Variants in RGP1 observed in about 807,000 individuals in gnomAD.
RGP1 encodes the protein RAB6A-GEF complex partner protein 2.
A neutral mutation model predicts 44.5 loss-of-function variants in RGP1; 28 were observed. The ratio of observed to expected loss-of-function variants is 0.63; its 90% CI spans 0.47 to 0.86. The LOEUF is 0.86. Ranked by LOEUF, RGP1 falls within the 40% of genes least tolerant of loss-of-function variation. The pLI, the probability that RGP1 is intolerant of heterozygous loss-of-function variation, is 0.00. For missense variants in RGP1, 417 were observed against 490.7 expected (o/e 0.85, Z 1.42); for synonymous variants, 212 against 196.7 (o/e 1.08, Z -0.65).
the RGP1 span, among the ~76,000 whole-genome samples, chr9:35,766,652 A>G: frequency 3.3e-5 from 5 of 152,232 alleles, no homozygotes; most frequent in Non-Finnish European, 5.9e-5. Flanking sequence ...TCTATGATCC[A>G]TTTTGATCGC....
chr9:35,776,199 G>C, the RGP1 span, among the ~76,000 whole-genome samples: 1 of 152,080 alleles, frequency 6.6e-6, no homozygotes, highest in Non-Finnish European at 1.5e-5. Flanking sequence ...GACCCAGCAG[G>C]TGTTTAGGAC....
chr9:35,751,955 GT>G lies in RGP1; in HGVS notation c.766del (p.Ser256GlnfsTer29). 6.4e-7 allele frequency: 1 copy of G among 1,566,930 alleles called. No individual in the cohort carries two copies. The highest frequency in any genetic ancestry group is 8.7e-7 in the Non-Finnish European group (1 of 1,155,406). ...LGEGTVACLQ[F>X]SVSLQTEERV... ...AGCACACACCTGTCTCTTGCTCCCA[GT>G]TTTCAGTCAGCTTACAGACCGAGGA... is the stretch of plus-strand genomic sequence containing the variant. On this transcript the variant is annotated frameshift_variant and splice_region_variant, in exon 8 of 9. Coordinates refer to ENST00000378078, the MANE Select transcript of RGP1 (RefSeq NM_001080496.3). LOFTEE classifies it high-confidence loss of function.
the RGP1 span, among the ~76,000 whole-genome samples, chr9:35,781,728 T>C: frequency 1.3e-5 from 2 of 151,988 alleles, no homozygotes; most frequent in Non-Finnish European, 2.9e-5. Context: ...GTGTAGGGTG[T>C]TATATATAAA....
chr9:35,777,149 A>ATTT, the RGP1 span, among the ~76,000 whole-genome samples: 1 of 37,822 alleles, frequency 2.6e-5, no homozygotes, highest in African/African-American at 1.2e-4. Context: ...TTTTTTTTTG[A>ATTT]GACAGAGTCT....
At chr9:35,750,525 G>A (rs948353535) in intron 3 of RGP1, 133 bp from the exon 4 acceptor site, 5 of 1,295,746 alleles carry the variant, frequency 3.9e-6, no homozygotes, top group Admixed American at 2.0e-5. Context: ...TATTGCTTTA[G>A]GGGTAGAAGA....
the RGP1 span, among the ~76,000 whole-genome samples, chr9:35,781,373 G>A: frequency 7.2e-6 from 1 of 138,282 alleles, no homozygotes; most frequent in African/African-American, 2.7e-5. Flanking sequence ...ATTTTGGTCC[G>A]TGGTGGGTGC....
the RGP1 span, among the ~76,000 whole-genome samples, chr9:35,779,722 A>C: frequency 1.3e-5 from 2 of 152,218 alleles, no homozygotes; most frequent in Non-Finnish European, 2.9e-5. Context: ...AAGAACTCAC[A>C]TAACTGTCTC....
intron 2 of RGP1, among the ~76,000 whole-genome samples, 182 bp from the exon 3 acceptor site, chr9:35,750,061 G>T (rs145559466): frequency 6.6e-6 from 1 of 152,142 alleles, no homozygotes; most frequent in South Asian, 2.1e-4. Flanking sequence ...CCCCTCCCCC[G>T]TTCCCCTTTT....
At chr9:35,761,273 A>T (rs1375731267), downstream of RGP1, among the ~76,000 whole-genome samples, 1 of 152,202 alleles carries the variant, frequency 6.6e-6, no homozygotes, top group Non-Finnish European at 1.5e-5. Flanking sequence ...TGAGTCTTAG[A>T]TGTTTTTGCA....
chr9:35,780,483 A>G, the RGP1 span: 3 of 152,246 alleles, frequency 2.0e-5, no homozygotes, highest in Non-Finnish European at 4.4e-5. Context: ...CTCAATGCTC[A>G]ACAGATAAGT....
At chr9:35,766,252 T>C in the RGP1 span, among the ~76,000 whole-genome samples, 828 of 152,284 alleles carry the variant, frequency 5.4e-3, 6 homozygotes, top group African/African-American at 0.018. Flanking sequence ...CATCTTTTTA[T>C]GTGCTTTCTT....
chr9:35,761,984 C>T (rs1827422089), downstream of RGP1, among the ~76,000 whole-genome samples: 1 of 152,074 alleles, frequency 6.6e-6, no homozygotes, highest in Non-Finnish European at 1.5e-5. Context: ...TAAAACCCCC[C>T]ATCTCTACCA....
At chr9:35,767,746 C>G in the RGP1 span, among the ~76,000 whole-genome samples, 1 of 152,046 alleles carries the variant, frequency 6.6e-6, no homozygotes, top group African/African-American at 2.4e-5. Flanking sequence ...TCTTGCTGAG[C>G]CTGGACATAG....
chr9:35,763,091 A>G (rs1252892266), downstream of RGP1, among the ~76,000 whole-genome samples: 1 of 152,246 alleles, frequency 6.6e-6, no homozygotes, highest in Non-Finnish European at 1.5e-5. Context: ...CCACCACTGT[A>G]ATCCAGAATC....
At chr9:35,750,597 T>G (rs1445778897) in intron 3 of RGP1, 61 bp from the exon 4 acceptor site, 5 of 1,555,244 alleles carry the variant, frequency 3.2e-6, no homozygotes, top group Non-Finnish European at 4.4e-6. Context: ...CCACTTGCCG[T>G]GCTAGTCTTG....
chr9:35,779,045 A>G, the RGP1 span, among the ~76,000 whole-genome samples: 1 of 152,128 alleles, frequency 6.6e-6, no homozygotes, highest in African/African-American at 2.4e-5. Flanking sequence ...ATTATAGAGG[A>G]TGTTGAGTAA....
downstream of RGP1, among the ~76,000 whole-genome samples, chr9:35,759,774 C>A (rs1026671043): frequency 2.0e-5 from 3 of 151,752 alleles, no homozygotes; most frequent in Non-Finnish European, 4.4e-5. Context: ...TATTGATCTC[C>A]TTCTAGAAGT....
intron 8 of RGP1, 125 bp downstream of exon 8, chr9:35,752,270 C>G (rs546982650): frequency 1.0e-5 from 10 of 973,298 alleles, no homozygotes; most frequent in Non-Finnish European, 1.3e-5. Flanking sequence ...GCCTCTGACC[C>G]GGAACAGTTT....
At chr9:35,774,615 T>C in the RGP1 span, among the ~76,000 whole-genome samples, 5 of 152,038 alleles carry the variant, frequency 3.3e-5, no homozygotes, top group Admixed American at 6.5e-5. Flanking sequence ...TCCCAGCTAC[T>C]GGGGAGGCTG....
Sources: gnomAD v4.1 joint callset for allele counts (sites outside exome capture counted in the v4.1 genomes callset) on GRCh38, gnomAD v4.1.1 for gene constraint, MANE v1.5 for transcripts, NCBI Gene and HGNC (gene_info 2026-07-23, HGNC 2026-07-21) for gene names.